The following CHM variants were observed in gnomAD, a reference collection of about 807,000 sequenced individuals.
CHM encodes the protein CHM Rab escort protein.
CHM carries 10 observed loss-of-function variants against 49.0 expected under a neutral mutation model. That is an observed-to-expected ratio of 0.20 (90% CI 0.13 to 0.35). CHM has a LOEUF of 0.35. CHM is among the 10% of genes least tolerant of loss of function. CHM has a pLI of 1.00. For synonymous variants in CHM, 184 were observed against 167.5 expected (o/e 1.10, Z -0.76); for missense variants, 455 against 478.4 (o/e 0.95, Z 0.46).
chrX:86,038,800 T>G (rs182441379), intron 1 of CHM, among the ~76,000 whole-genome samples: 257 of 112,086 alleles, frequency 2.3e-3, no homozygotes, highest in African/African-American at 8.1e-3. Context: ...CTGTCAATAA[T>G]AAGAAGCTGA....
intron 8 of CHM, 62 bp from the exon 9 acceptor site, chrX:85,911,400 T>C: frequency 1.8e-6 from 1 of 560,911 alleles, no homozygotes; most frequent in Non-Finnish European, 2.8e-6. Flanking sequence ...GGTAAAAGTA[T>C]TTTCTTTTAA....
In CHM at chrX:85,956,342, G is replaced by C. The variant is rs200321098; in HGVS notation, c.977C>G (p.Thr326Ser). Residue 326 changes from threonine (T) to serine (S), a missense_variant, in exon 8 of 15, where the codon ACT (threonine) becomes AGT (serine). Thr to Ser is a moderately conservative substitution (Grantham distance 58, BLOSUM62 1). Coordinates refer to ENST00000357749, the MANE Select transcript of CHM (RefSeq NM_000390.4). The part of the protein sequence containing the change: ...EEITFYEYLK[T>S]QKLTPNLQYI... Reference sequence around the variant, plus strand: ...TTGGAGGTTGGGGGTTAATTTTTGAGTCTTTAAATATTCATAAAATGTGAT... The same window carrying C: ...TTGGAGGTTGGGGGTTAATTTTTGACTCTTTAAATATTCATAAAATGTGAT... 1.7e-6 allele frequency: 2 copies of C among 1,210,718 alleles called. No homozygotes were observed. The highest frequency in any genetic ancestry group is 2.2e-6 in the Non-Finnish European group (2 of 895,008).
In CHM at chrX:85,863,164, C is replaced by T. The variant is rs1416727982; in HGVS notation, c.*1466G>A. 4.6e-5 allele frequency: 5 copies of T among 109,214 alleles called. No homozygotes were observed. The highest frequency in any genetic ancestry group is 1.3e-4 in the African/African-American group (4 of 29,742). The allele number at this position is 109,214 out of a possible 1,213,427, so 9.0% of individuals were successfully genotyped here. On this transcript the variant is annotated 3_prime_UTR_variant, in exon 15 of 15. Transcript: ENST00000357749. The stretch of plus-strand genomic sequence containing the variant: ...CTGGAGTGCAGTGGCAAAATCTTGG[C>T]TCACTGCAACCTCCGCCTCCCTGGT...
At chrX:86,043,978 T>G (rs1375266307) in intron 1 of CHM, among the ~76,000 whole-genome samples, 1 of 111,950 alleles carries the variant, frequency 8.9e-6, no homozygotes, top group East Asian at 2.8e-4. Flanking sequence ...CAGCCCATCT[T>G]AGGGGAAGAA....
Position 85,870,010 on chromosome X carries a change from T to C in CHM, c.1770+3042A>G, listed in dbSNP as rs115276516. 6.4e-3 allele frequency among the ~76,000 whole-genome samples: 718 copies of C among 112,102 alleles called. 4 individuals carry two copies. The highest frequency in any genetic ancestry group is 0.022 in the African/African-American group (664 of 30,867). Reference sequence around the variant, plus strand: ...CTTTAATGTTTTTAGGATGTATGCCTACTCATAAGCTGAAAGTAGCATATA... The same window carrying C: ...CTTTAATGTTTTTAGGATGTATGCCCACTCATAAGCTGAAAGTAGCATATA... On this transcript the variant is annotated intron_variant, in intron 14 of 14. Coordinates refer to ENST00000357749, the MANE Select transcript of CHM (RefSeq NM_000390.4).
intron 8 of CHM, among the ~76,000 whole-genome samples, chrX:85,920,292 TTC>T (rs1927714940): frequency 9.1e-6 from 1 of 109,976 alleles, no homozygotes; most frequent in Non-Finnish European, 1.9e-5. Context: ...GAGACGGGGT[TTC>T]ACCGTGTTAG....
At chrX:85,968,881 G>A (rs1056968865) in intron 4 of CHM, among the ~76,000 whole-genome samples, 1 of 111,770 alleles carries the variant, frequency 8.9e-6, no homozygotes, top group Non-Finnish European at 1.9e-5. Flanking sequence ...ACCACATTTA[G>A]TTGGGCAGTG....
At chrX:86,004,049 C>A (rs916581730) in intron 2 of CHM, among the ~76,000 whole-genome samples, 2 of 112,372 alleles carry the variant, frequency 1.8e-5, no homozygotes, top group African/African-American at 6.5e-5. Context: ...GCCCATCAGA[C>A]TAACAGCGGA....
chrX:85,979,205 C>T (rs1931456125), intron 3 of CHM, among the ~76,000 whole-genome samples: 1 of 111,859 alleles, frequency 8.9e-6, no homozygotes, highest in Non-Finnish European at 1.9e-5. Flanking sequence ...GGACAACTAA[C>T]CCTCTATCTG....
chrX:86,024,055 G>T (rs1933715679), intron 2 of CHM, among the ~76,000 whole-genome samples: 1 of 111,773 alleles, frequency 8.9e-6, no homozygotes, highest in South Asian at 3.8e-4. Context: ...AGCCAGTGGG[G>T]TTTAAGGAAG....
At chrX:85,889,495 C>T (rs1367238841) in intron 12 of CHM, among the ~76,000 whole-genome samples, 1 of 111,803 alleles carries the variant, frequency 8.9e-6, no homozygotes, top group Admixed American at 9.5e-5. Context: ...AATCAAACCA[C>T]AAAGAGACAC....
At chrX:86,035,848 C>T (rs1306196336) in intron 1 of CHM, among the ~76,000 whole-genome samples, 2 of 93,212 alleles carry the variant, frequency 2.1e-5, no homozygotes, top group African/African-American at 8.4e-5. Context: ...GGCTGGAGTG[C>T]AGTAGCGCGA....
At chrX:85,904,411 T>C (rs1234342414) in intron 9 of CHM, among the ~76,000 whole-genome samples, 7 of 111,401 alleles carry the variant, frequency 6.3e-5, no homozygotes, top group Non-Finnish European at 9.4e-5. Context: ...AGTGTGTAGA[T>C]AGCAAAATGA....
chrX:85,969,462 T>C (rs752008814), intron 4 of CHM: 1 of 707,651 alleles, frequency 1.4e-6, no homozygotes, highest in Non-Finnish European at 1.7e-6. Context: ...ACTATGAAAC[T>C]ATTACATGGT....
intron 12 of CHM, among the ~76,000 whole-genome samples, chrX:85,885,436 TA>T (rs1379737925): frequency 2.3e-4 from 25 of 110,561 alleles, no homozygotes; most frequent in African/African-American, 8.2e-4. Flanking sequence ...AGAATTCCCA[TA>T]ATTTCTCTAA....
At chrX:85,978,604 C>G (rs956393907) in intron 4 of CHM, 163 bp downstream of exon 4, 7 of 412,434 alleles carry the variant, frequency 1.7e-5, no homozygotes, top group Non-Finnish European at 2.9e-5. Context: ...ATCATTATTA[C>G]CTAAACAGAG....
chrX:86,009,606 GT>G (rs1489349276), intron 2 of CHM, among the ~76,000 whole-genome samples: 2 of 112,410 alleles, frequency 1.8e-5, no homozygotes, highest in African/African-American at 6.5e-5. Flanking sequence ...GTATATCCAT[GT>G]TTTAAATAAT....
At position 85,866,846 on chromosome X, in the gene CHM, C is replaced by T. The variant is rs1003421519; in HGVS notation, c.1771-2025G>A. Among the ~76,000 whole-genome samples the T allele has an allele frequency of 9.7e-5, 11 of 112,996 alleles. No homozygotes were observed. In the Admixed American group the frequency reaches 1.0e-3, roughly 10 times the overall value. On this transcript the variant is annotated intron_variant, in intron 14 of 14. Transcript: ENST00000357749. ...GGGCCTATGGCCCCTTTGTTTTGTC[C>T]AATTTCTCCCATTTGGAATGGGGAC...
intron 1 of CHM, among the ~76,000 whole-genome samples, chrX:86,030,839 T>C (rs1025254514): frequency 1.3e-4 from 14 of 110,591 alleles, no homozygotes; most frequent in African/African-American, 4.6e-4. Flanking sequence ...CAAAAAGTGA[T>C]CCTTTAAAAA....
Sources: gnomAD v4.1 joint callset for allele counts (sites outside exome capture counted in the v4.1 genomes callset) on GRCh38, gnomAD v4.1.1 for gene constraint, MANE v1.5 for transcripts, NCBI Gene and HGNC (gene_info 2026-07-23, HGNC 2026-07-21) for gene names.